STXBP6: variants seen among roughly 807,000 people sequenced by gnomAD.
STXBP6 encodes syntaxin binding protein 6, also known as syntaxin-binding protein 6.
STXBP6 carries 21 observed loss-of-function variants against 26.9 expected under a neutral mutation model. The ratio of observed to expected loss-of-function variants is 0.78; its 90% CI spans 0.55 to 1.12. The LOEUF (loss-of-function observed/expected upper bound fraction) is 1.12, where lower values mean the gene tolerates loss of function less well. Ranked by LOEUF, STXBP6 falls within the 50% of genes most tolerant of loss-of-function variation. The pLI, the probability that STXBP6 is intolerant of heterozygous loss-of-function variation, is 0.00. For missense variants in STXBP6, 232 were observed against 257.9 expected (o/e 0.90, Z 0.69); for synonymous variants, 97 against 92.6 (o/e 1.05, Z -0.27).
chr14:24,919,418 A>G (rs970343993), intron 2 of STXBP6, among the ~76,000 whole-genome samples: 1 of 151,716 alleles, frequency 6.6e-6, no homozygotes, highest in East Asian at 1.9e-4. Context: ...TGTTTTAATA[A>G]CTGATAAATA....
At chr14:24,830,481 C>T (rs2068424925) in intron 4 of STXBP6, among the ~76,000 whole-genome samples, 1 of 152,062 alleles carries the variant, frequency 6.6e-6, no homozygotes, top group South Asian at 2.1e-4. Context: ...CTGAGTGAAT[C>T]CCAGGCTTCT....
intron 2 of STXBP6, among the ~76,000 whole-genome samples, chr14:24,973,662 T>C (rs61978834): frequency 0.047 from 7,227 of 152,186 alleles, 278 homozygotes; most frequent in Non-Finnish European, 0.071. Flanking sequence ...CTGAGCATTA[T>C]AGGCATGAGC....
At chr14:24,812,773 C>A in intron 5 of STXBP6, 41 bp from the exon 6 acceptor site, 1 of 1,603,286 alleles carries the variant, frequency 6.2e-7, no homozygotes, top group Non-Finnish European at 8.5e-7. Context: ...ACTTTATTAG[C>A]AGGTATTAGC....
intron 2 of STXBP6, among the ~76,000 whole-genome samples, chr14:24,955,348 ATTCT>A (rs1022949221): frequency 7.9e-5 from 12 of 152,088 alleles, no homozygotes; most frequent in African/African-American, 2.9e-4. Context: ...ACTCATCCAC[ATTCT>A]TCTGCTCCAC....
intron 4 of STXBP6, among the ~76,000 whole-genome samples, chr14:24,845,092 A>G (rs183772853): frequency 1.3e-5 from 2 of 151,714 alleles, no homozygotes; most frequent in East Asian, 3.9e-4. Context: ...GCTCACTGCA[A>G]CCTCCGCCTC....
At chr14:25,023,908 C>T (rs2075302754) in intron 1 of STXBP6, among the ~76,000 whole-genome samples, 3 of 152,168 alleles carry the variant, frequency 2.0e-5, no homozygotes, top group Admixed American at 2.0e-4. Flanking sequence ...CGATAGGGCA[C>T]ATATTTGGCA....
chr14:24,817,746 A>C (rs1330974725), intron 5 of STXBP6: 1 of 257,396 alleles, frequency 3.9e-6, no homozygotes, highest in Admixed American at 5.0e-5. Context: ...CTCTGCACCA[A>C]CAGCAGCAAT....
At chr14:24,977,126 C>T (rs10138697) in intron 1 of STXBP6, among the ~76,000 whole-genome samples, 2,395 of 148,876 alleles carry the variant, frequency 0.016, 60 homozygotes, top group African/African-American at 0.056. Context: ...GGCCTCCCTA[C>T]GTGCTGGGAT....
chr14:24,880,104 C>A (rs1173478862), intron 2 of STXBP6, among the ~76,000 whole-genome samples: 1 of 152,192 alleles, frequency 6.6e-6, no homozygotes, highest in Admixed American at 6.5e-5. Flanking sequence ...ACTGAACTGG[C>A]ATCTGTCTTC....
At chr14:24,897,139 G>A (rs959562229) in intron 2 of STXBP6, among the ~76,000 whole-genome samples, 15 of 152,044 alleles carry the variant, frequency 9.9e-5, no homozygotes, top group African/African-American at 2.4e-4. Context: ...GGCTGGGTGC[G>A]GTGGCTCATG....
In STXBP6 at chr14:24,915,892, G is replaced by A. The variant is rs541962228; in HGVS notation, c.155-58735C>T. On this transcript the variant is annotated intron_variant, in intron 2 of 5. Transcript: ENST00000323944. The stretch of plus-strand genomic sequence containing the variant: ...TTTAAAAAACAAGACAATTCACTTT[G>A]TTCTTTCAGATGTCACTAACATTTC... 4.6e-5 allele frequency among the ~76,000 whole-genome samples: 7 copies of A among 152,216 alleles called. No homozygotes were observed. In the South Asian group the frequency reaches 1.4e-3, roughly 32 times the overall value.
chr14:25,006,082 T>C (rs2074890978), intron 1 of STXBP6, among the ~76,000 whole-genome samples: 3 of 152,206 alleles, frequency 2.0e-5, no homozygotes, highest in Admixed American at 2.0e-4. Flanking sequence ...TATCCCTGAC[T>C]TCTCTATAAT....
intron 4 of STXBP6, among the ~76,000 whole-genome samples, chr14:24,824,713 A>G (rs1486837705): frequency 6.6e-6 from 1 of 152,174 alleles, no homozygotes; most frequent in Non-Finnish European, 1.5e-5. Context: ...ATTCTGGTTA[A>G]ATCAAGCCTT....
At chr14:25,032,688 C>T (rs1464029426) in intron 1 of STXBP6, among the ~76,000 whole-genome samples, 4 of 152,204 alleles carry the variant, frequency 2.6e-5, no homozygotes, top group Non-Finnish European at 4.4e-5. Context: ...CACAGAGTCC[C>T]TCGATCAATG....
intron 1 of STXBP6, among the ~76,000 whole-genome samples, chr14:24,980,479 C>A (rs1297121400): frequency 6.6e-6 from 1 of 152,168 alleles, no homozygotes; most frequent in Non-Finnish European, 1.5e-5. Flanking sequence ...AACTACTACT[C>A]TTAACTACTA....
chr14:25,020,374 T>A (rs2055908353), intron 1 of STXBP6, among the ~76,000 whole-genome samples: 1 of 152,104 alleles, frequency 6.6e-6, no homozygotes, highest in Non-Finnish European at 1.5e-5. Context: ...CCAAATATAC[T>A]CCTCCAGCTG....
chr14:24,978,530 A>G (rs1027498311), intron 1 of STXBP6, among the ~76,000 whole-genome samples: 2 of 152,216 alleles, frequency 1.3e-5, no homozygotes, highest in African/African-American at 4.8e-5. Flanking sequence ...TAAGATGAAT[A>G]TAACAGCAAT....
intron 2 of STXBP6, among the ~76,000 whole-genome samples, chr14:24,973,385 T>C: frequency 7.1e-6 from 1 of 139,896 alleles, no homozygotes; most frequent in African/African-American, 2.6e-5. Flanking sequence ...CTTCCTTTTT[T>C]TTTTTTTTTT....
intron 2 of STXBP6, among the ~76,000 whole-genome samples, chr14:24,871,207 G>A (rs2069922273): frequency 6.6e-6 from 1 of 152,090 alleles, no homozygotes; most frequent in Non-Finnish European, 1.5e-5. Context: ...ACTTCACACT[G>A]GAGAGGCATG....
Sources: allele counts gnomAD v4.1 joint callset (sites outside exome capture counted in the v4.1 genomes callset), GRCh38; gene constraint gnomAD v4.1.1; transcripts MANE v1.5; gene names NCBI Gene and HGNC (gene_info 2026-07-23, HGNC 2026-07-21).